Variants in CSMD1 observed in about 807,000 individuals in gnomAD.
CSMD1 encodes the protein CUB and Sushi multiple domains 1, also known as CUB and sushi domain-containing protein 1.
In CSMD1, 213 loss-of-function variants were observed where a neutral mutation model predicts 417.5. That is an observed-to-expected ratio of 0.51 (90% CI 0.46 to 0.57). CSMD1 has a LOEUF of 0.57. CSMD1 is among the 20% of genes least tolerant of loss of function. The pLI is 0.00. For missense variants in CSMD1, 6,923 were observed against 4,529.7 expected, an observed-to-expected ratio of 1.53 and a Z score of -15.17; for synonymous variants, 2,862 against 1,736.8, an observed-to-expected ratio of 1.65 and a Z score of -16.11.
At chr8:3,386,703 G>C (rs1338141607) in intron 18 of CSMD1, among the ~76,000 whole-genome samples, 2 of 152,110 alleles carry the variant, frequency 1.3e-5, no homozygotes, top group African/African-American at 4.8e-5. Flanking sequence ...ATGTGTTTTG[G>C]AACACTGTTT....
In CSMD1 at chr8:3,734,295, C is replaced by T. The variant is rs75281134; in HGVS notation, c.931+19635G>A. 5.1e-3 allele frequency among the ~76,000 whole-genome samples: 772 copies of T among 152,284 alleles called. 5 individuals are homozygous for T. Among genetic ancestry groups the T allele is most frequent in the African/African-American group, 0.017 (723 of 41,548 alleles). On this transcript the variant is annotated intron_variant, in intron 6 of 69. Coordinates refer to ENST00000635120, the MANE Select transcript of CSMD1 (RefSeq NM_033225.6). ...CCAGTGTCTCCCTAGTGCTTCCAGG[C>T]GGGGTCTGCTGCATCTTATTTATTA...
At chr8:3,615,323 C>A (rs1563201421) in intron 8 of CSMD1, among the ~76,000 whole-genome samples, 1 of 152,146 alleles carries the variant, frequency 6.6e-6, no homozygotes. Context: ...TGAAGTGAGT[C>A]TCCAGTAAAA....
chr8:4,802,439 G>C (rs1798352245), intron 1 of CSMD1, among the ~76,000 whole-genome samples: 2 of 152,178 alleles, frequency 1.3e-5, no homozygotes, highest in South Asian at 2.1e-4. Context: ...TTTATCATGT[G>C]TGCCATCTCA....
chr8:4,717,402 CATATATA>C (rs1808738100), intron 1 of CSMD1, among the ~76,000 whole-genome samples: 1 of 149,148 alleles, frequency 6.7e-6, no homozygotes. Flanking sequence ...TACATATATA[CATATATA>C]CACACACACT....
intron 5 of CSMD1, among the ~76,000 whole-genome samples, chr8:3,777,040 T>C (rs768513384): frequency 3.2e-4 from 48 of 151,574 alleles, no homozygotes; most frequent in South Asian, 1.5e-3. Flanking sequence ...TTAAAGACAA[T>C]GGAAATCTGT....
At chr8:3,645,372 T>C (rs1381535503) in intron 7 of CSMD1, among the ~76,000 whole-genome samples, 1 of 152,358 alleles carries the variant, frequency 6.6e-6, no homozygotes, top group East Asian at 1.9e-4. Context: ...ATGCTGTGAT[T>C]AGCCAGATTG....
intron 5 of CSMD1, among the ~76,000 whole-genome samples, chr8:3,937,775 C>G (rs530652059): frequency 6.6e-6 from 1 of 152,210 alleles, no homozygotes; most frequent in Admixed American, 6.5e-5. Context: ...ATTTTTCTGT[C>G]ATGAGAGCCT....
chr8:3,359,436 A>T (rs1402021148), intron 20 of CSMD1, 96 bp from the exon 21 acceptor site: 3 of 940,784 alleles, frequency 3.2e-6, no homozygotes, highest in Non-Finnish European at 4.6e-6. Context: ...TAAAAAAAAA[A>T]AAAAAAACCT....
chr8:3,910,903 C>A (rs899680892), intron 5 of CSMD1, among the ~76,000 whole-genome samples: 1 of 151,840 alleles, frequency 6.6e-6, no homozygotes, highest in Non-Finnish European at 1.5e-5. Flanking sequence ...GTGCTTCCTA[C>A]ACAGTATCTA....
chr8:2,985,668 T>C (rs565326140), intron 54 of CSMD1, among the ~76,000 whole-genome samples: 99 of 152,194 alleles, frequency 6.5e-4, no homozygotes, highest in Non-Finnish European at 1.1e-3. Context: ...TGTCAACTGA[T>C]TGACATACAA....
intron 3 of CSMD1, among the ~76,000 whole-genome samples, chr8:4,225,477 T>A (rs1229868162): frequency 6.6e-6 from 1 of 151,522 alleles, no homozygotes; most frequent in Non-Finnish European, 1.5e-5. Flanking sequence ...ACAAAATGCT[T>A]CAAGTTTATA....
At chr8:3,374,865 A>C (rs1351680975) in intron 18 of CSMD1, among the ~76,000 whole-genome samples, 1 of 152,174 alleles carries the variant, frequency 6.6e-6, no homozygotes, top group Non-Finnish European at 1.5e-5. Flanking sequence ...ACCCTGCCAA[A>C]GTCTTCTAAT....
chr8:3,125,946 C>T (rs1195840778), intron 41 of CSMD1, among the ~76,000 whole-genome samples: 1 of 152,146 alleles, frequency 6.6e-6, no homozygotes, highest in East Asian at 1.9e-4. Flanking sequence ...CACTGCACTC[C>T]AGCATGGGTG....
chr8:3,461,730 G>T (rs980570973), intron 12 of CSMD1, among the ~76,000 whole-genome samples: 4 of 152,186 alleles, frequency 2.6e-5, no homozygotes, highest in Non-Finnish European at 5.9e-5. Flanking sequence ...AGAAAAAGCT[G>T]GGGCCATTGT....
chr8:3,934,049 C>T (rs912671966), intron 5 of CSMD1, among the ~76,000 whole-genome samples: 3 of 152,178 alleles, frequency 2.0e-5, no homozygotes, highest in African/African-American at 7.2e-5. Flanking sequence ...CTCTGCTCTA[C>T]ACTGAGTATC....
intron 12 of CSMD1, among the ~76,000 whole-genome samples, chr8:3,453,902 GACAGTAGGGTGTT>G (rs1281842412): frequency 6.6e-6 from 1 of 152,166 alleles, no homozygotes; most frequent in African/African-American, 2.4e-5. Context: ...GTCTGATGTT[GACAGTAGGGTGTT>G]AAAGTCTCCC....
intron 3 of CSMD1, among the ~76,000 whole-genome samples, chr8:4,226,260 C>G (rs549363127): frequency 6.6e-6 from 1 of 152,052 alleles, no homozygotes; most frequent in African/African-American, 2.4e-5. Context: ...TGTATTAACA[C>G]CTTCAAAAGT....
In CSMD1 at chr8:4,350,298, T is replaced by C. The variant is rs141409852; in HGVS notation, c.415+69655A>G. ...ACGCCAACTGCAGGTGACTGTGCTGTCTACTTGAGGTCTAACAGGCTGACA... is the reference window on the plus strand; with the variant it reads ...ACGCCAACTGCAGGTGACTGTGCTGCCTACTTGAGGTCTAACAGGCTGACA... On this transcript the variant is annotated intron_variant, in intron 3 of 69. Coordinates refer to ENST00000635120, the MANE Select transcript of CSMD1 (RefSeq NM_033225.6). Among the ~76,000 whole-genome samples, 447 of 152,266 alleles carry C rather than the reference T, an allele frequency of 2.9e-3. 3 individuals are homozygous for C. Among genetic ancestry groups the C allele is most frequent in the African/African-American group, 0.011 (440 of 41,558 alleles).
At chr8:4,069,582 T>TA (rs1799437718) in intron 3 of CSMD1, among the ~76,000 whole-genome samples, 1 of 152,198 alleles carries the variant, frequency 6.6e-6, no homozygotes, top group Admixed American at 6.5e-5. Flanking sequence ...TGCAGATGTA[T>TA]CTTGGGCCAG....
Sources: gnomAD v4.1 joint callset for allele counts (sites outside exome capture counted in the v4.1 genomes callset) on GRCh38, gnomAD v4.1.1 for gene constraint, MANE v1.5 for transcripts, NCBI Gene and HGNC (gene_info 2026-07-23, HGNC 2026-07-21) for gene names.